Variants in ITPR1 observed in about 807,000 individuals in gnomAD.
ITPR1 encodes inositol 1,4,5-trisphosphate receptor type 1, also known as inositol 1,4,5-trisphosphate-gated calcium channel ITPR1.
ITPR1 carries 96 observed loss-of-function variants against 318.4 expected under a neutral mutation model. That is an observed-to-expected ratio of 0.30 (90% CI 0.26 to 0.36). ITPR1 has a LOEUF of 0.36. Ranked by LOEUF, ITPR1 falls within the 10% of genes least tolerant of loss-of-function variation. ITPR1 has a pLI of 1.00. For missense variants in ITPR1, 2,440 were observed against 3,460.2 expected (o/e 0.71, Z 7.40); for synonymous variants, 1,312 against 1,289.9 (o/e 1.02, Z -0.37).
At chr3:4,616,442 CT>C (rs1357862070) in intron 4 of ITPR1, among the ~76,000 whole-genome samples, 1 of 152,172 alleles carries the variant, frequency 6.6e-6, no homozygotes. Context: ...ATCATTTTGT[CT>C]TTTCCTTCTG....
chr3:4,577,988 G>A (rs935089457), intron 4 of ITPR1, among the ~76,000 whole-genome samples: 1 of 152,202 alleles, frequency 6.6e-6, no homozygotes, highest in East Asian at 1.9e-4. Context: ...AAGGATAGTT[G>A]CATTTTTACC....
At chr3:4,773,383 T>C (rs1206683158) in intron 46 of ITPR1, among the ~76,000 whole-genome samples, 2 of 152,240 alleles carry the variant, frequency 1.3e-5, no homozygotes, top group Admixed American at 1.3e-4. Context: ...TTGGGAGTGG[T>C]AACAGAAGTT....
At chr3:4,558,988 ATT>A (rs988547140) in intron 4 of ITPR1, among the ~76,000 whole-genome samples, 40 of 152,094 alleles carry the variant, frequency 2.6e-4, no homozygotes, top group African/African-American at 9.2e-4. Context: ...ACCATATTGA[ATT>A]TTGTTTGATT....
intron 40 of ITPR1, among the ~76,000 whole-genome samples, chr3:4,724,787 G>T (rs916053589): frequency 6.6e-5 from 10 of 152,190 alleles, no homozygotes; most frequent in African/African-American, 2.2e-4. Flanking sequence ...ATGTCCTTTC[G>T]AGGCATCCTT....
At position 4,496,910 on chromosome 3, in the gene ITPR1, G is replaced by A. The variant is rs73001484; in HGVS notation, c.-17+2404G>A. On this transcript the variant is annotated intron_variant, in intron 2 of 61. Coordinates refer to ENST00000649015, the MANE Select transcript of ITPR1 (RefSeq NM_001378452.1). ...AACAGCCAAAATAAAAGTAGGCCTG[G>A]AGTTAGGTTTCTAGGTCAAGCTGTC... 3.6e-3 allele frequency among the ~76,000 whole-genome samples: 541 copies of A among 152,328 alleles called. 2 individuals carry two copies. Among genetic ancestry groups the A allele is most frequent in the Non-Finnish European group, 5.9e-3 (398 of 68,032 alleles).
At chr3:4,715,389 A>G (rs999323663) in intron 39 of ITPR1, among the ~76,000 whole-genome samples, 10 of 152,218 alleles carry the variant, frequency 6.6e-5, no homozygotes, top group African/African-American at 2.4e-4. Flanking sequence ...TTTTTCACAC[A>G]GTTGAGAACA....
intron 4 of ITPR1, among the ~76,000 whole-genome samples, chr3:4,542,217 C>T (rs998930547): frequency 6.6e-6 from 1 of 152,164 alleles, no homozygotes; most frequent in African/African-American, 2.4e-5. Flanking sequence ...TAGGTGCTAT[C>T]TCTACAGATC....
intron 42 of ITPR1, 23 bp downstream of exon 42, chr3:4,727,196 T>C (rs762118034): frequency 1.2e-5 from 19 of 1,558,442 alleles, no homozygotes; most frequent in Non-Finnish European, 1.6e-5. Flanking sequence ...GAGTCTTGGG[T>C]ATCGGGAGCT....
At chr3:4,563,862 GCAC>G (rs1307975030) in intron 4 of ITPR1, among the ~76,000 whole-genome samples, 2 of 151,872 alleles carry the variant, frequency 1.3e-5, no homozygotes, top group Non-Finnish European at 2.9e-5. Flanking sequence ...CTGCAACAAA[GCAC>G]CACAAGCTGA....
chr3:4,753,444 G>A (rs1168405756), intron 44 of ITPR1, among the ~76,000 whole-genome samples: 1 of 152,104 alleles, frequency 6.6e-6, no homozygotes, highest in East Asian at 1.9e-4. Context: ...TTGGCCATCT[G>A]TACATCTTAC....
intron 2 of ITPR1, among the ~76,000 whole-genome samples, chr3:4,503,412 A>C (rs2081174284): frequency 1.3e-5 from 2 of 152,154 alleles, no homozygotes; most frequent in African/African-American, 4.8e-5. Flanking sequence ...ATAGGTGTAA[A>C]AATAAAAATA....
In ITPR1 at chr3:4,795,217, A is replaced by G. The variant is rs761018963; in HGVS notation, c.6931+30A>G. The stretch of plus-strand genomic sequence containing the variant: ...CCATATCTTTAACTTCAAAAATCCT[A>G]TTAGAAGCAGCAGGAAGGCTAGGAC... On this transcript the variant is annotated intron_variant, in intron 53 of 61. Coordinates refer to ENST00000649015, the MANE Select transcript of ITPR1 (RefSeq NM_001378452.1). 23 of 1,605,864 alleles carry G rather than the reference A, an allele frequency of 1.4e-5. No individual in the cohort carries two copies. In the Admixed American group the frequency reaches 1.9e-4, roughly 13 times the overall value.
chr3:4,756,813 C>G (rs2045031415), intron 44 of ITPR1, among the ~76,000 whole-genome samples: 1 of 152,244 alleles, frequency 6.6e-6, no homozygotes, highest in African/African-American at 2.4e-5. Flanking sequence ...AAGTTGGACA[C>G]TAGTCTTTGG....
intron 4 of ITPR1, among the ~76,000 whole-genome samples, chr3:4,582,356 C>T (rs1387150830): frequency 6.6e-6 from 1 of 152,176 alleles, no homozygotes; most frequent in Admixed American, 6.5e-5. Context: ...CCCCCACCCC[C>T]GCCACCCCAG....
intron 4 of ITPR1, among the ~76,000 whole-genome samples, chr3:4,568,766 T>C (rs185201308): frequency 6.6e-6 from 1 of 152,176 alleles, no homozygotes; most frequent in Admixed American, 6.5e-5. Context: ...GCTGAAAATG[T>C]TGATGAGGGC....
At chr3:4,508,152 G>A (rs531735453) in intron 2 of ITPR1, among the ~76,000 whole-genome samples, 2 of 152,258 alleles carry the variant, frequency 1.3e-5, no homozygotes, top group African/African-American at 4.8e-5. Context: ...CAGACTGTCA[G>A]TGGGACTACC....
At chr3:4,692,266 C>T (rs982533702) in intron 32 of ITPR1, among the ~76,000 whole-genome samples, 40 of 139,112 alleles carry the variant, frequency 2.9e-4, no homozygotes, top group South Asian at 6.5e-4. Flanking sequence ...GTGAGCTTTT[C>T]TATAACATGA....
At chr3:4,514,803 G>A (rs148809650) in intron 2 of ITPR1, among the ~76,000 whole-genome samples, 5 of 152,186 alleles carry the variant, frequency 3.3e-5, no homozygotes, top group Admixed American at 1.3e-4. Context: ...TAATATAAGC[G>A]CAGAAGGGAA....
intron 4 of ITPR1, among the ~76,000 whole-genome samples, chr3:4,533,500 C>T (rs1313591494): frequency 2.0e-5 from 3 of 152,230 alleles, no homozygotes; most frequent in Non-Finnish European, 4.4e-5. Flanking sequence ...ATGTGTAACA[C>T]AGTAAATACC....
Sources: allele counts gnomAD v4.1 joint callset (sites outside exome capture counted in the v4.1 genomes callset), GRCh38; gene constraint gnomAD v4.1.1; transcripts MANE v1.5; gene names NCBI Gene and HGNC (gene_info 2026-07-23, HGNC 2026-07-21).